Variants in SRPK1 observed in about 807,000 individuals in gnomAD.
The protein encoded by SRPK1 is SFRS protein kinase 1.
SRPK1 carries 52 observed loss-of-function variants against 89.5 expected under a neutral mutation model. The observed-to-expected ratio is 0.58, with a 90% CI of 0.46 to 0.73. The LOEUF is 0.73. SRPK1 is among the 30% of genes least tolerant of loss of function. The probability of loss-of-function intolerance (pLI) is 0.00; values close to 1 mark genes in which losing one functional copy is unlikely to be tolerated. For missense variants in SRPK1, 603 were observed against 780.6 expected, an observed-to-expected ratio of 0.77 and a Z score of 2.71; for synonymous variants, 255 against 270.2, an observed-to-expected ratio of 0.94 and a Z score of 0.55.
chr6:35,880,738 A>AG lies in SRPK1; in HGVS notation c.478+5985_478+5986insC, dbSNP rs775613195. On this transcript the variant is annotated intron_variant, in intron 6 of 15. Coordinates refer to ENST00000373825, the MANE Select transcript of SRPK1 (RefSeq NM_003137.5). ...CCATCTCAAAAAAAAAAAAAAAGAA[A>AG]AAAAAAAAAAAAGAAAAGAAAAGAA... Among the ~76,000 whole-genome samples, 146 of 18,814 alleles carry AG rather than the reference A, an allele frequency of 7.8e-3. 16 individuals are homozygous for AG. Among genetic ancestry groups the AG allele is most frequent in the Middle Eastern group, 0.05 (1 of 20 alleles). 12.3% of individuals were successfully genotyped at this position (18,814 alleles called of 152,430 possible).
At chr6:35,870,183 G>T in intron 10 of SRPK1, 98 bp downstream of exon 10, 1 of 1,028,174 alleles carries the variant, frequency 9.7e-7, no homozygotes. Flanking sequence ...GATACCCCCA[G>T]AGATGTGTTG....
At position 35,887,811 on chromosome 6, in the gene SRPK1, TAAG is replaced by T. The variant is rs200666125; in HGVS notation, c.390+210_390+212del. On this transcript the variant is annotated intron_variant, in intron 5 of 15. Coordinates refer to ENST00000373825, the MANE Select transcript of SRPK1 (RefSeq NM_003137.5). ...AAGGTTTTTTTTTGGTTCATGCGTG[TAAG>T]AAGAATTCTCATCATAGCATTTGCC... is the stretch of plus-strand genomic sequence containing the variant. 755 of 382,376 alleles carry T rather than the reference TAAG, an allele frequency of 2.0e-3. 10 individuals are homozygous for T. In the South Asian group the frequency reaches 0.027, roughly 14 times the overall value. The allele number at this position is 382,376 out of a possible 1,614,324, so 23.7% of individuals were successfully genotyped here.
rs780878360 is a variant in SRPK1 at position 35,888,768 on chromosome 6, T to C, written c.302+47A>G. 1.8e-5 allele frequency: 22 copies of C among 1,216,380 alleles called. No homozygotes were observed. In the East Asian group the frequency reaches 4.7e-4, roughly 26 times the overall value. The allele number at this position is 1,216,380 out of a possible 1,614,324, so 75.3% of individuals were successfully genotyped here. ...AGCAGTGGAAACTCAGACAAACACATTTAGACATCATCTAACTAATTCTTT... is the reference window on the plus strand; with the variant it reads ...AGCAGTGGAAACTCAGACAAACACACTTAGACATCATCTAACTAATTCTTT... On this transcript the variant is annotated intron_variant, in intron 4 of 15. Coordinates refer to ENST00000373825, the MANE Select transcript of SRPK1 (RefSeq NM_003137.5).
At chr6:35,884,841 A>C (rs889720158) in intron 6 of SRPK1, among the ~76,000 whole-genome samples, 4 of 152,132 alleles carry the variant, frequency 2.6e-5, no homozygotes, top group African/African-American at 9.7e-5. Context: ...TCTCTACTAA[A>C]AATACAAAAT....
In SRPK1 at chr6:35,870,446, T is replaced by TC; in HGVS notation, c.825dup (p.Lys276GlufsTer15). On this transcript the variant is annotated frameshift_variant, in exon 10 of 16. Transcript: ENST00000373825. LOFTEE classifies it high-confidence loss of function. Reference sequence around the variant, plus strand: ...TTCTCTAGTAATTCTGCCTGGCGCTTCTGCTTCTTCTTCAATTTCTTCTTC... The same window carrying TC: ...TTCTCTAGTAATTCTGCCTGGCGCTTCCTGCTTCTTCTTCAATTTCTTCTTC... 6.4e-7 allele frequency: 1 copy of TC among 1,555,420 alleles called. No homozygotes were observed. Among genetic ancestry groups the TC allele is most frequent in the Non-Finnish European group, 8.7e-7 (1 of 1,148,454 alleles).
intron 12 of SRPK1, among the ~76,000 whole-genome samples, chr6:35,858,615 A>G (rs1245507992): frequency 6.6e-6 from 1 of 152,230 alleles, no homozygotes; most frequent in Non-Finnish European, 1.5e-5. Context: ...CTACAAAGCC[A>G]ACTGAGAGTG....
chr6:35,840,235 C>G (rs1397253667), intron 14 of SRPK1, among the ~76,000 whole-genome samples: 2 of 152,172 alleles, frequency 1.3e-5, no homozygotes, highest in Non-Finnish European at 2.9e-5. Context: ...TCCATATTAT[C>G]TGGGAATTTG....
intron 13 of SRPK1, among the ~76,000 whole-genome samples, chr6:35,844,525 C>G (rs1319475100): frequency 1.3e-5 from 2 of 152,138 alleles, no homozygotes; most frequent in Non-Finnish European, 2.9e-5. Flanking sequence ...ACAGAACAGC[C>G]TTTCTCAAAA....
At chr6:35,908,892 T>C (rs1052225881) in intron 2 of SRPK1, among the ~76,000 whole-genome samples, 30 of 152,228 alleles carry the variant, frequency 2.0e-4, no homozygotes, top group African/African-American at 7.2e-4. Context: ...CCACGTGGTG[T>C]TGGGCCTGCA....
At chr6:35,860,338 G>A (rs1388978220) in intron 12 of SRPK1, among the ~76,000 whole-genome samples, 1 of 152,178 alleles carries the variant, frequency 6.6e-6, no homozygotes, top group Non-Finnish European at 1.5e-5. Context: ...ATCACAGGGT[G>A]TGAATGAATT....
At chr6:35,852,653 G>A (rs766358153) in intron 13 of SRPK1, among the ~76,000 whole-genome samples, 6 of 152,078 alleles carry the variant, frequency 3.9e-5, no homozygotes, top group South Asian at 2.1e-4. Flanking sequence ...CGTTTCATTC[G>A]GGCAGCTCAG....
chr6:35,901,450 AC>A (rs1357836091), intron 2 of SRPK1, among the ~76,000 whole-genome samples: 4 of 152,258 alleles, frequency 2.6e-5, no homozygotes, highest in Non-Finnish European at 4.4e-5. Flanking sequence ...ATTCTCCCTC[AC>A]AGCCCTCAAA....
intron 13 of SRPK1, among the ~76,000 whole-genome samples, chr6:35,849,776 T>C (rs1366329570): frequency 2.6e-5 from 4 of 152,168 alleles, no homozygotes; most frequent in South Asian, 4.1e-4. Flanking sequence ...TCTGCAAATA[T>C]TGCAAAATCT....
chr6:35,878,732 C>T (rs1770213451), intron 6 of SRPK1, among the ~76,000 whole-genome samples: 1 of 152,144 alleles, frequency 6.6e-6, no homozygotes, highest in Non-Finnish European at 1.5e-5. Flanking sequence ...ATTTAAAGGG[C>T]CAGTGCCCTA....
chr6:35,858,066 T>C (rs1224870989), intron 12 of SRPK1, among the ~76,000 whole-genome samples: 1 of 152,252 alleles, frequency 6.6e-6, no homozygotes, highest in Non-Finnish European at 1.5e-5. Context: ...ATATGACTCA[T>C]ACTAAGCTTC....
rs746960519 is a variant in SRPK1, at chr6:35,888,017, T to C, written c.390+7A>G. The C allele has an allele frequency of 1.9e-6, 3 of 1,590,092 alleles. No homozygotes were observed. Among genetic ancestry groups the C allele is most frequent in the Non-Finnish European group, 2.6e-6 (3 of 1,168,592 alleles). On this transcript the variant is annotated splice_region_variant and intron_variant, in intron 5 of 15. Coordinates refer to ENST00000373825, the MANE Select transcript of SRPK1 (RefSeq NM_003137.5). ...CTTCACATTCATACATATAATCTAA[T>C]ACTCACTGACTTCAGCAACCGGATT...
intron 13 of SRPK1, among the ~76,000 whole-genome samples, chr6:35,843,782 G>A (rs1030683456): frequency 1.2e-4 from 19 of 152,014 alleles, no homozygotes; most frequent in Non-Finnish European, 2.5e-4. Context: ...AGAAGATTAA[G>A]TGTAAAGGGA....
rs1769130852 is a variant in SRPK1 at position 35,834,381 on chromosome 6, A to G, written c.*923T>C. 1 of 152,186 alleles carries G rather than the reference A, an allele frequency of 6.6e-6. No homozygotes were observed. Among genetic ancestry groups the G allele is most frequent in the Non-Finnish European group, 1.5e-5 (1 of 68,044 alleles). The allele number at this position is 152,186 out of a possible 1,614,324, so 9.4% of individuals were successfully genotyped here. The stretch of plus-strand genomic sequence containing the variant: ...TTTGGAAAAGAATCAGAATCTCAAG[A>G]TCTATTTTTCTTAAATGGGAAAGCT... On this transcript the variant is annotated 3_prime_UTR_variant, in exon 16 of 16. Transcript: ENST00000373825.
rs181249340 is a variant in SRPK1 at position 35,847,761 on chromosome 6, T to C, written c.1621-5157A>G. On this transcript the variant is annotated intron_variant, in intron 13 of 15. Transcript: ENST00000373825. Reference sequence around the variant, plus strand: ...TACACTGAAAACTATAAAATGCTGATAAAAGAAATTGAAGACACAAATAAA... The same window carrying C: ...TACACTGAAAACTATAAAATGCTGACAAAAGAAATTGAAGACACAAATAAA... Among the ~76,000 whole-genome samples, 11 of 152,028 alleles carry C rather than the reference T, an allele frequency of 7.2e-5. No homozygotes were observed. The East Asian group carries it at 1.4e-3, about 19-fold the overall frequency.
Sources: allele counts gnomAD v4.1 joint callset (sites outside exome capture counted in the v4.1 genomes callset), GRCh38; gene constraint gnomAD v4.1.1; transcripts MANE v1.5; gene names NCBI Gene and HGNC (gene_info 2026-07-23, HGNC 2026-07-21).